DYNC1I1: variants seen among roughly 807,000 people sequenced by gnomAD.
The protein encoded by DYNC1I1 is dynein cytoplasmic 1 intermediate chain 1.
Under a neutral mutation model 86.6 loss-of-function variants are expected in DYNC1I1, and 43 were observed. The observed-to-expected ratio is 0.50, with a 90% CI of 0.39 to 0.64. The LOEUF is 0.64. Ranked by LOEUF, DYNC1I1 falls within the 30% of genes least tolerant of loss-of-function variation. The probability of loss-of-function intolerance (pLI) is 0.00; values close to 1 mark genes in which losing one functional copy is unlikely to be tolerated. For synonymous variants in DYNC1I1, 262 were observed against 283.7 expected (o/e 0.92, Z 0.77); for missense variants, 604 against 788.8 (o/e 0.77, Z 2.81).
intron 6 of DYNC1I1, among the ~76,000 whole-genome samples, chr7:95,872,866 C>A (rs1790209755): frequency 1.3e-5 from 2 of 152,278 alleles, no homozygotes; most frequent in Middle Eastern, 3.4e-3. Flanking sequence ...TATTATGAAC[C>A]CATTTCTGTA....
chr7:95,980,453 T>C (rs1584221561), intron 7 of DYNC1I1, among the ~76,000 whole-genome samples: 1 of 151,936 alleles, frequency 6.6e-6, no homozygotes, highest in East Asian at 1.9e-4. Context: ...CAAGGATTTA[T>C]TACTCAGCCA....
intron 5 of DYNC1I1, among the ~76,000 whole-genome samples, chr7:95,861,674 A>G (rs1342315361): frequency 6.6e-6 from 1 of 152,100 alleles, no homozygotes; most frequent in African/African-American, 2.4e-5. Flanking sequence ...TTGGCTATAT[A>G]TAATTCATTG....
intron 14 of DYNC1I1, among the ~76,000 whole-genome samples, chr7:96,044,741 T>G (rs1789157592): frequency 6.6e-6 from 1 of 152,132 alleles, no homozygotes; most frequent in Admixed American, 6.5e-5. Flanking sequence ...GCTATTTTCT[T>G]AATGCTGTAG....
At chr7:96,059,913 C>T (rs368012924) in intron 14 of DYNC1I1, among the ~76,000 whole-genome samples, 1 of 152,118 alleles carries the variant, frequency 6.6e-6, no homozygotes, top group South Asian at 2.1e-4. Flanking sequence ...AATGTATGGT[C>T]TTTTTGGCCT....
intron 1 of DYNC1I1, among the ~76,000 whole-genome samples, chr7:95,795,702 C>G (rs1794418255): frequency 6.6e-6 from 1 of 151,854 alleles, no homozygotes; most frequent in African/African-American, 2.4e-5. Flanking sequence ...GGCATAGACA[C>G]ATAGAGGGGA....
At chr7:95,900,563 G>A (rs760845396) in intron 6 of DYNC1I1, among the ~76,000 whole-genome samples, 9 of 152,100 alleles carry the variant, frequency 5.9e-5, no homozygotes, top group South Asian at 4.1e-4. Context: ...TTTGGAGTTG[G>A]AAATCCATGT....
chr7:95,971,491 AAAAC>A (rs1223892990), intron 6 of DYNC1I1, among the ~76,000 whole-genome samples: 1 of 152,188 alleles, frequency 6.6e-6, no homozygotes, highest in African/African-American at 2.4e-5. Flanking sequence ...CATATCCAAA[AAAAC>A]AAACAAACAA....
At chr7:95,913,213 T>C (rs563849041) in intron 6 of DYNC1I1, among the ~76,000 whole-genome samples, 1 of 152,344 alleles carries the variant, frequency 6.6e-6, no homozygotes, top group Admixed American at 6.5e-5. Context: ...CATATTCATA[T>C]AGAAATATTA....
rs1382854052 is a variant in DYNC1I1, at chr7:95,910,669, A to G, written c.490+40671A>G. 2.6e-5 allele frequency among the ~76,000 whole-genome samples: 4 copies of G among 152,322 alleles called. No individual in the cohort carries two copies. In the East Asian group the frequency reaches 5.8e-4, roughly 22 times the overall value. ...TTGTCAAGGCATTAGAAGAATAGGA[A>G]TCAGTACAAGAATTATGGACATTTA... is the stretch of plus-strand genomic sequence containing the variant. On this transcript the variant is annotated intron_variant, in intron 6 of 16. Coordinates refer to ENST00000447467, the MANE Select transcript of DYNC1I1 (RefSeq NM_001135556.2).
At chr7:95,827,935 A>G (rs574676904) in intron 4 of DYNC1I1, 122 bp from the exon 5 acceptor site, 2 of 852,738 alleles carry the variant, frequency 2.3e-6, no homozygotes, top group Non-Finnish European at 3.8e-6. Flanking sequence ...TGGAAGGGGG[A>G]CATGTTCTGT....
chr7:95,850,098 GT>G (rs34584042), intron 5 of DYNC1I1, among the ~76,000 whole-genome samples: 77,593 of 151,964 alleles, frequency 0.51, 21,872 homozygotes, highest in Middle Eastern at 0.65. Context: ...ATTTCTGAAG[GT>G]TTTTTAGTGA....
At chr7:96,091,260 T>TAAAGTGAAAAAAAA (rs1420667818) in intron 16 of DYNC1I1, among the ~76,000 whole-genome samples, 1 of 152,190 alleles carries the variant, frequency 6.6e-6, no homozygotes, top group African/African-American at 2.4e-5. Context: ...TAATGTGTAT[T>TAAAGTGAAAAAAAA]AAAGTGAAAG....
At chr7:95,896,774 C>G (rs944035026) in intron 6 of DYNC1I1, among the ~76,000 whole-genome samples, 3 of 152,154 alleles carry the variant, frequency 2.0e-5, no homozygotes, top group African/African-American at 7.2e-5. Context: ...CCTCCAGGAG[C>G]CTAGAATGTC....
intron 6 of DYNC1I1, among the ~76,000 whole-genome samples, chr7:95,941,249 G>A (rs992815248): frequency 6.6e-6 from 1 of 151,948 alleles, no homozygotes; most frequent in Admixed American, 6.6e-5. Flanking sequence ...GGGGTCAGGG[G>A]TCAGGGACCC....
intron 6 of DYNC1I1, among the ~76,000 whole-genome samples, chr7:95,943,338 GGA>G (rs1257497275): frequency 6.6e-6 from 1 of 151,592 alleles, no homozygotes; most frequent in Non-Finnish European, 1.5e-5. Context: ...ACCTCTTCAA[GGA>G]GAACTACAAA....
intron 5 of DYNC1I1, among the ~76,000 whole-genome samples, chr7:95,840,958 G>A (rs1342594872): frequency 6.6e-6 from 1 of 152,190 alleles, no homozygotes; most frequent in African/African-American, 2.4e-5. Flanking sequence ...AATGTCCTTA[G>A]GAAGAAGCTG....
At chr7:96,022,244 T>G (rs1794568913) in intron 10 of DYNC1I1, among the ~76,000 whole-genome samples, 1 of 152,182 alleles carries the variant, frequency 6.6e-6, no homozygotes. Flanking sequence ...CACACTACCT[T>G]TGTATTCTCA....
At chr7:95,925,277 C>T (rs373396109) in intron 6 of DYNC1I1, among the ~76,000 whole-genome samples, 10 of 152,192 alleles carry the variant, frequency 6.6e-5, no homozygotes, top group African/African-American at 2.2e-4. Flanking sequence ...TGTCTAATCA[C>T]CCCCTTTCCA....
intron 1 of DYNC1I1, among the ~76,000 whole-genome samples, chr7:95,791,661 T>G (rs193163066): frequency 6.6e-6 from 1 of 152,356 alleles, no homozygotes; most frequent in Admixed American, 6.5e-5. Flanking sequence ...ACTGCTGAAT[T>G]TATTCGTTGA....
Sources: gnomAD v4.1 joint callset for allele counts (sites outside exome capture counted in the v4.1 genomes callset) on GRCh38, gnomAD v4.1.1 for gene constraint, MANE v1.5 for transcripts, NCBI Gene and HGNC (gene_info 2026-07-23, HGNC 2026-07-21) for gene names.